FAM3C: variants seen among roughly 807,000 people sequenced by gnomAD.
The protein encoded by FAM3C is protein FAM3C.
In FAM3C, 15 loss-of-function variants were observed where a neutral mutation model predicts 32.5. That is an observed-to-expected ratio of 0.46 (90% CI 0.31 to 0.71). The LOEUF (loss-of-function observed/expected upper bound fraction) is 0.71. Ranked by LOEUF, FAM3C falls within the 30% of genes least tolerant of loss-of-function variation. The probability of loss-of-function intolerance (pLI) is 0.05; values close to 1 mark genes in which losing one functional copy is unlikely to be tolerated. For missense variants in FAM3C, 175 were observed against 274.4 expected, an observed-to-expected ratio of 0.64 and a Z score of 2.56; for synonymous variants, 75 against 86.1, an observed-to-expected ratio of 0.87 and a Z score of 0.72.
chr7:121,360,684 A>T (rs911185472), intron 7 of FAM3C, among the ~76,000 whole-genome samples: 5 of 152,108 alleles, frequency 3.3e-5, no homozygotes, highest in Admixed American at 1.3e-4. Flanking sequence ...AAATTTAAAA[A>T]TTAGCCGAGC....
intron 1 of FAM3C, among the ~76,000 whole-genome samples, chr7:121,395,256 CATACATATATATGG>C (rs1472736752): frequency 9.4e-5 from 13 of 138,678 alleles, no homozygotes; most frequent in Non-Finnish European, 1.6e-4. Flanking sequence ...TATATGGATA[CATACATATATATGG>C]ATACATACAT....
intron 5 of FAM3C, among the ~76,000 whole-genome samples, chr7:121,369,316 G>A (rs2536156): frequency 0.26 from 38,804 of 151,864 alleles, 5,934 homozygotes; most frequent in African/African-American, 0.44. Flanking sequence ...TTTTTTTTAA[G>A]CATCTGTCAC....
intron 1 of FAM3C, among the ~76,000 whole-genome samples, chr7:121,385,467 A>G (rs576099030): frequency 6.6e-6 from 1 of 152,324 alleles, no homozygotes; most frequent in East Asian, 1.9e-4. Context: ...GCAGCTGGAA[A>G]GAGCGCCTGA....
chr7:121,366,644 T>A (rs1246957233), intron 5 of FAM3C, among the ~76,000 whole-genome samples: 1 of 152,168 alleles, frequency 6.6e-6, no homozygotes, highest in East Asian at 1.9e-4. Context: ...ATTGCATATA[T>A]CTGTGAATAT....
At chr7:121,368,972 G>GTTTTTTTTT (rs563834740) in intron 5 of FAM3C, among the ~76,000 whole-genome samples, 9 of 96,166 alleles carry the variant, frequency 9.4e-5, no homozygotes, top group East Asian at 3.1e-4. Flanking sequence ...TGTTGTTGTT[G>GTTTTTTTTT]TTTTTTTTTT....
chr7:121,395,344 T>C (rs957413103), intron 1 of FAM3C, among the ~76,000 whole-genome samples: 1 of 151,602 alleles, frequency 6.6e-6, no homozygotes, highest in Non-Finnish European at 1.5e-5. Flanking sequence ...TACATACACC[T>C]GGCTAATTTT....
At chr7:121,396,103 C>G (rs1405478934) in intron 1 of FAM3C, 59 bp downstream of exon 1, 1 of 152,040 alleles carries the variant, frequency 6.6e-6, no homozygotes. Context: ...GCTTCCCCGG[C>G]CTCCTCCATC....
intron 1 of FAM3C, among the ~76,000 whole-genome samples, chr7:121,391,601 T>C (rs1051131300): frequency 2.0e-5 from 3 of 152,214 alleles, no homozygotes; most frequent in East Asian, 3.8e-4. Context: ...GTATCCACTC[T>C]ACTTATGCTG....
At chr7:121,390,853 CGGGGGGGGGG>C (rs58750532) in intron 1 of FAM3C, among the ~76,000 whole-genome samples, 455 of 7,472 alleles carry the variant, frequency 0.061, 182 homozygotes, top group Non-Finnish European at 0.21. Flanking sequence ...CTGTGTGGGG[CGGGGGGGGGG>C]GGGGGGGGGA....
chr7:121,368,332 A>G (rs535819849), intron 5 of FAM3C, among the ~76,000 whole-genome samples: 3 of 152,216 alleles, frequency 2.0e-5, no homozygotes, highest in Non-Finnish European at 4.4e-5. Context: ...AACTGCCCCC[A>G]TTGAGACACA....
At chr7:121,387,482 G>A (rs1299940956) in intron 1 of FAM3C, among the ~76,000 whole-genome samples, 3 of 151,980 alleles carry the variant, frequency 2.0e-5, no homozygotes, top group Non-Finnish European at 2.9e-5. Context: ...TGCTCCACAC[G>A]TGTTCATCAA....
At chr7:121,359,705 G>A (rs2116884178) in intron 8 of FAM3C, among the ~76,000 whole-genome samples, 1 of 151,632 alleles carries the variant, frequency 6.6e-6, no homozygotes, top group Non-Finnish European at 1.5e-5. Flanking sequence ...ATAATAATAG[G>A]GAAACTTTAA....
At chr7:121,390,412 CTTAGT>C (rs916741173) in intron 1 of FAM3C, among the ~76,000 whole-genome samples, 1 of 152,186 alleles carries the variant, frequency 6.6e-6, no homozygotes, top group African/African-American at 2.4e-5. Flanking sequence ...TTGGGAGGAA[CTTAGT>C]TTATAGTTTA....
At chr7:121,378,786 A>C in intron 3 of FAM3C, 124 bp downstream of exon 3, 1 of 466,108 alleles carries the variant, frequency 2.1e-6, no homozygotes, top group Non-Finnish European at 3.8e-6. Flanking sequence ...CTAACAAATC[A>C]TATTTATGGA....
intron 8 of FAM3C, among the ~76,000 whole-genome samples, chr7:121,353,517 G>A (rs1793749316): frequency 6.6e-6 from 1 of 152,184 alleles, no homozygotes; most frequent in South Asian, 2.1e-4. Context: ...TTGGCTATCT[G>A]GCCACTTGGA....
At chr7:121,357,334 G>A (rs1268114680) in intron 8 of FAM3C, among the ~76,000 whole-genome samples, 1 of 152,088 alleles carries the variant, frequency 6.6e-6, no homozygotes, top group Admixed American at 6.6e-5. Context: ...TAACTTTCTT[G>A]AGTATAAGTG....
At chr7:121,385,154 C>A (rs777878868) in intron 1 of FAM3C, among the ~76,000 whole-genome samples, 5 of 151,524 alleles carry the variant, frequency 3.3e-5, no homozygotes, top group Non-Finnish European at 4.4e-5. Context: ...AGGCAACAGG[C>A]GAAAGGGCTT....
rs567909188 is a variant in FAM3C at position 121,392,006 on chromosome 7, G to A, written c.-42+4156C>T. ...ACATATCTAGGGGACCTTCCAACAC[G>A]ACAGACCAAATAAAACAACTGTATA... On this transcript the variant is annotated intron_variant, in intron 1 of 9. Coordinates refer to ENST00000359943, the MANE Select transcript of FAM3C (RefSeq NM_014888.3). Among the ~76,000 whole-genome samples, 164 of 152,184 alleles carry A rather than the reference G, an allele frequency of 1.1e-3. 1 individual carries two copies. Among genetic ancestry groups the A allele is most frequent in the African/African-American group, 3.8e-3 (159 of 41,526 alleles).
intron 2 of FAM3C, among the ~76,000 whole-genome samples, chr7:121,382,230 A>T (rs1794372115): frequency 6.6e-6 from 1 of 152,176 alleles, no homozygotes; most frequent in African/African-American, 2.4e-5. Flanking sequence ...TTTTTAGAAT[A>T]TTTAAATATA....
Sources: allele counts gnomAD v4.1 joint callset (sites outside exome capture counted in the v4.1 genomes callset), GRCh38; gene constraint gnomAD v4.1.1; transcripts MANE v1.5; gene names NCBI Gene and HGNC (gene_info 2026-07-23, HGNC 2026-07-21).